The following ANKRD12 variants were observed in gnomAD, a reference collection of about 807,000 sequenced individuals.
ANKRD12 encodes ankyrin repeat domain-containing protein 12.
ANKRD12 carries 85 observed loss-of-function variants against 183.4 expected under a neutral mutation model. The ratio of observed to expected loss-of-function variants is 0.46; its 90% CI spans 0.39 to 0.56. The LOEUF (loss-of-function observed/expected upper bound fraction) is 0.56, where lower values mean the gene tolerates loss of function less well. Among genes scored for constraint, ANKRD12 ranks in the 20% least tolerant of loss-of-function variants. ANKRD12 has a pLI of 0.00. For missense variants in ANKRD12, 2,405 were observed against 2,357.1 expected (o/e 1.02, Z -0.42); for synonymous variants, 914 against 800.2 (o/e 1.14, Z -2.40).
chr18:9,261,683 C>A (rs954061286), intron 9 of ANKRD12, among the ~76,000 whole-genome samples: 1 of 152,182 alleles, frequency 6.6e-6, no homozygotes, highest in Non-Finnish European at 1.5e-5. Context: ...TTGCACCAAC[C>A]TAGAGTTGTC....
chr18:9,198,908 A>T (rs2144473996), intron 3 of ANKRD12, among the ~76,000 whole-genome samples: 1 of 152,282 alleles, frequency 6.6e-6, no homozygotes, highest in East Asian at 1.9e-4. Context: ...TCTTTATAAT[A>T]GCAAAAAAAT....
chr18:9,271,516 G>A (rs1189411780), intron 10 of ANKRD12, among the ~76,000 whole-genome samples: 3 of 151,890 alleles, frequency 2.0e-5, no homozygotes, highest in Non-Finnish European at 2.9e-5. Context: ...GTGAGACTCC[G>A]TCTCAAAAAA....
chr18:9,264,017 A>G (rs774300008), intron 10 of ANKRD12, 129 bp downstream of exon 10: 6 of 902,144 alleles, frequency 6.7e-6, no homozygotes, highest in Non-Finnish European at 9.1e-6. Flanking sequence ...ATTTGGTTTT[A>G]TCTTGTGTTT....
chr18:9,230,658 T>G (rs4603624), intron 8 of ANKRD12, among the ~76,000 whole-genome samples: 11 of 150,356 alleles, frequency 7.3e-5, no homozygotes, highest in Non-Finnish European at 5.9e-5. Flanking sequence ...CTTTCTTCTT[T>G]TTTTTTTTTT....
In ANKRD12 at chr18:9,216,743, A is replaced by T; in HGVS notation, c.653-15A>T. The T allele has an allele frequency of 6.2e-7, 1 of 1,609,236 alleles. No individual in the cohort carries two copies. The highest frequency in any genetic ancestry group is 8.5e-7 in the Non-Finnish European group (1 of 1,177,328). On this transcript the variant is annotated splice_polypyrimidine_tract_variant and intron_variant, in intron 6 of 12. Transcript: ENST00000262126. ...AGCGCAAGTGAATCATGTTAAATTA[A>T]TAATCTAACTTTAGGTTGGACACCA...
In ANKRD12 at chr18:9,256,170, A is replaced by G; in HGVS notation, c.2903A>G (p.Glu968Gly). Reference sequence around the variant, plus strand: ...AAAAAGGAAAAATCTAGAGATAAAGAAAGTATAAATATAACTAACTCCAAA... The same window carrying G: ...AAAAAGGAAAAATCTAGAGATAAAGGAAGTATAAATATAACTAACTCCAAA... ...LDKKEKSRDKESINITNSKHI... is the reference protein window; with the variant it reads ...LDKKEKSRDKGSINITNSKHI... The change falls in exon 9 of 13, where the codon GAA (glutamate) becomes GGA (glycine). Residue 968 changes from glutamate (E) to glycine (G), a missense_variant. Physicochemically the swap from Glu to Gly is moderately conservative, Grantham distance 98. Transcript: ENST00000262126. 1.3e-6 allele frequency: 2 copies of G among 1,561,026 alleles called. No individual in the cohort carries two copies. The highest frequency in any genetic ancestry group is 1.4e-5 in the African/African-American group (1 of 71,876).
intron 8 of ANKRD12, among the ~76,000 whole-genome samples, chr18:9,251,013 T>C (rs1294083598): frequency 1.3e-5 from 2 of 152,224 alleles, no homozygotes; most frequent in Non-Finnish European, 1.5e-5. Context: ...AGTTATGGTA[T>C]ATTTAGTTTT....
rs1354356869 is a variant in ANKRD12 at position 9,258,352 on chromosome 18, G to A, written c.5085G>A (p.Leu1695=). 1.2e-6 allele frequency: 2 copies of A among 1,613,538 alleles called. No individual in the cohort carries two copies. Among genetic ancestry groups the A allele is most frequent in the African/African-American group, 1.3e-5 (1 of 74,886 alleles). The part of the protein sequence containing the change: ...EESQQSILSS[L]ENHSQQSTQP... ...CTCAACAAAGCATTTTATCAAGTCT[G>A]GAAAACCATTCACAGCAGTCAACTC... The change falls in exon 9 of 13, where the codon CTG becomes CTA. Residue 1695 remains leucine (L), a synonymous_variant. Transcript: ENST00000262126.
In ANKRD12 at chr18:9,256,340, G is replaced by A; in HGVS notation, c.3073G>A (p.Asp1025Asn). The change falls in exon 9 of 13, where the codon GAT (aspartate) becomes AAT (asparagine). Residue 1025 changes from aspartate to asparagine, a missense_variant. Physicochemically the swap from Asp to Asn is conservative, Grantham distance 23 (BLOSUM62 1). Transcript: ENST00000262126. The stretch of plus-strand genomic sequence containing the variant: ...AAAAGATAAAAAAGATAAAGATATA[G>A]ATAGATACAAAGAACGAGACAAACA... ...KEKDKKDKDIDRYKERDKHKD... is the reference protein window; with the variant it reads ...KEKDKKDKDINRYKERDKHKD... 1 of 1,593,800 alleles carries A rather than the reference G, an allele frequency of 6.3e-7. No individual in the cohort carries two copies. The highest frequency in any genetic ancestry group is 8.5e-7 in the Non-Finnish European group (1 of 1,170,514).
rs748800461 is a variant in ANKRD12, at chr18:9,255,635, A to G, written c.2368A>G (p.Met790Val). ...AGACTCAGAATTTACTTCTTTGGGT[A>G]TGAGTGCCATTGAGGAATCTATAGG... ...DKDSEFTSLG[M>V]SAIEESIGLH... The change falls in exon 9 of 13, where the codon ATG becomes GTG. Residue 790 changes from methionine (M) to valine (V), a missense_variant. This residue lies in a region of ANKRD12 where 1,983 missense variants were observed against 1,725.9 expected (regional missense o/e 1.15). Transcript: ENST00000262126. 1 of 1,574,758 alleles carries G rather than the reference A, an allele frequency of 6.4e-7. No individual in the cohort carries two copies. The highest frequency in any genetic ancestry group is 1.2e-5 in the South Asian group (1 of 82,608).
chr18:9,223,379 C>A (rs2036531586), intron 8 of ANKRD12, among the ~76,000 whole-genome samples: 1 of 151,904 alleles, frequency 6.6e-6, no homozygotes, highest in Non-Finnish European at 1.5e-5. Flanking sequence ...TCAGCCTCCC[C>A]CGAGTAGCTG....
At chr18:9,152,613 A>AAT (rs1484666165) in intron 1 of ANKRD12, among the ~76,000 whole-genome samples, 13 of 151,604 alleles carry the variant, frequency 8.6e-5, no homozygotes, top group African/African-American at 2.4e-4. Flanking sequence ...TTATTGTAGT[A>AAT]ATATATATAT....
At chr18:9,266,084 C>T (rs138043627) in intron 10 of ANKRD12, among the ~76,000 whole-genome samples, 417 of 152,180 alleles carry the variant, frequency 2.7e-3, no homozygotes, top group Admixed American at 5.0e-3. Flanking sequence ...TAAAAAGAAA[C>T]GAACAAAGCC....
intron 8 of ANKRD12, chr18:9,235,790 C>A: frequency 7.4e-6 from 3 of 405,796 alleles, no homozygotes; most frequent in East Asian, 7.2e-5. Flanking sequence ...CAGAAGAAGA[C>A]CATGTAGAAA....
chr18:9,280,381 A>G (rs1332235654), intron 12 of ANKRD12, among the ~76,000 whole-genome samples: 1 of 152,218 alleles, frequency 6.6e-6, no homozygotes, highest in Non-Finnish European at 1.5e-5. Context: ...TGAACAGGCC[A>G]TGGATCGGTA....
intron 1 of ANKRD12, chr18:9,137,236 C>G (rs1333786552): frequency 6.7e-6 from 1 of 148,740 alleles, no homozygotes; most frequent in Non-Finnish European, 1.5e-5. Context: ...CGCCGCCGCC[C>G]CTCCCGGCGT....
At chr18:9,274,415 A>G (rs1457786819) in intron 10 of ANKRD12, among the ~76,000 whole-genome samples, 1 of 152,260 alleles carries the variant, frequency 6.6e-6, no homozygotes, top group East Asian at 1.9e-4. Flanking sequence ...TGAAATCATT[A>G]TGCCAAGTGA....
intron 5 of ANKRD12, among the ~76,000 whole-genome samples, chr18:9,211,088 A>G (rs75822819): frequency 0.074 from 11,226 of 152,034 alleles, 430 homozygotes; most frequent in African/African-American, 0.084. Context: ...CCTTTTCCAG[A>G]CTACCCTTAT....
At chr18:9,271,803 C>T (rs1049695660) in intron 10 of ANKRD12, among the ~76,000 whole-genome samples, 1 of 152,180 alleles carries the variant, frequency 6.6e-6, no homozygotes, top group Non-Finnish European at 1.5e-5. Context: ...TAGACATATT[C>T]ATGATTGAAA....
Sources: gnomAD v4.1 joint callset for allele counts (sites outside exome capture counted in the v4.1 genomes callset) on GRCh38, gnomAD v4.1.1 for gene constraint, gnomAD v4.1.1 regional missense constraint, MANE v1.5 for transcripts, NCBI Gene and HGNC (gene_info 2026-07-23, HGNC 2026-07-21) for gene names.